The following STK35 variants were observed in gnomAD, a reference collection of about 807,000 sequenced individuals.
The protein encoded by STK35 is serine/threonine kinase 35, also known as serine/threonine-protein kinase 35.
Under a neutral mutation model 37.3 loss-of-function variants are expected in STK35, and 17 were observed. That is an observed-to-expected ratio of 0.46 (90% CI 0.31 to 0.68). The LOEUF (loss-of-function observed/expected upper bound fraction) is 0.68. Ranked by LOEUF, STK35 falls within the 30% of genes least tolerant of loss-of-function variation. STK35 has a pLI of 0.05. For missense variants in STK35, 595 were observed against 746.7 expected, an observed-to-expected ratio of 0.80 and a Z score of 2.37; for synonymous variants, 385 against 319.1, an observed-to-expected ratio of 1.21 and a Z score of -2.20.
At chr20:2,131,125 T>A (rs1259545810) in intron 3 of STK35, among the ~76,000 whole-genome samples, 2 of 152,224 alleles carry the variant, frequency 1.3e-5, no homozygotes, top group Non-Finnish European at 2.9e-5. Flanking sequence ...TCATGGAGTG[T>A]TCTTACACAG....
intron 3 of STK35, among the ~76,000 whole-genome samples, chr20:2,142,391 T>A (rs990229054): frequency 1.3e-5 from 2 of 151,912 alleles, no homozygotes; most frequent in Admixed American, 6.6e-5. Context: ...AACGAGCTGG[T>A]GTTGTCAGCC....
chr20:2,135,565 G>A (rs1227586677), intron 3 of STK35, among the ~76,000 whole-genome samples: 1 of 152,164 alleles, frequency 6.6e-6, no homozygotes, highest in Non-Finnish European at 1.5e-5. Context: ...GAGGCTTTGT[G>A]CATTTTAAGA....
At chr20:2,112,837 T>C (rs1313406933) in intron 2 of STK35, among the ~76,000 whole-genome samples, 1 of 152,236 alleles carries the variant, frequency 6.6e-6, no homozygotes, top group Non-Finnish European at 1.5e-5. Flanking sequence ...TATACAACTG[T>C]CAGATTATAC....
chr20:2,111,971 G>C (rs1248305679), intron 2 of STK35, among the ~76,000 whole-genome samples: 2 of 152,106 alleles, frequency 1.3e-5, no homozygotes, highest in Admixed American at 1.3e-4. Context: ...TGGCAGATCC[G>C]GGCCCGCTTC....
At chr20:2,111,255 T>G (rs1159472908) in intron 2 of STK35, among the ~76,000 whole-genome samples, 2 of 152,226 alleles carry the variant, frequency 1.3e-5, no homozygotes, top group Non-Finnish European at 1.5e-5. Flanking sequence ...GTCCAAGATA[T>G]GCTCTTTCAC....
chr20:2,123,423 G>A (rs117255288), intron 3 of STK35, among the ~76,000 whole-genome samples: 400 of 152,192 alleles, frequency 2.6e-3, no homozygotes, highest in Non-Finnish European at 4.6e-3. Flanking sequence ...CTTGACCTGC[G>A]CTTCAGATTT....
At chr20:2,102,261 C>A in intron 1 of STK35, 86 bp downstream of exon 1, 1 of 1,374,066 alleles carries the variant, frequency 7.3e-7, no homozygotes, top group South Asian at 1.6e-5. Flanking sequence ...GAAATCGGGT[C>A]CTCGGCCAGT....
In STK35 at chr20:2,143,839, G is replaced by T. The variant is rs528659886; in HGVS notation, c.*93G>T. The T allele has an allele frequency of 1.6e-5, 7 of 427,930 alleles. No individual in the cohort carries two copies. The highest frequency in any genetic ancestry group is 3.2e-5 in the Non-Finnish European group (7 of 219,450). 26.5% of individuals were successfully genotyped at this position (427,930 alleles called of 1,614,324 possible). On this transcript the variant is annotated 3_prime_UTR_variant, in exon 4 of 4. Coordinates refer to ENST00000381482, the MANE Select transcript of STK35 (RefSeq NM_080836.4). ...CGTCTCCTCCAGAGGACGGCAGAGG[G>T]TACAGGTGGTGGCCTGGCCGGTTGG... is the stretch of plus-strand genomic sequence containing the variant.
chr20:2,117,133 A>G lies in STK35; in HGVS notation c.1360A>G (p.Ile454Val). The change falls in exon 3 of 4, where the codon ATT (isoleucine) becomes GTT (valine). Residue 454 changes from isoleucine (I) to valine (V), a missense_variant. By Grantham distance (29) the Ile-to-Val change is conservative. This residue lies in a region of STK35 where 109 missense variants were observed against 280.3 expected (regional missense o/e 0.39). Coordinates refer to ENST00000381482, the MANE Select transcript of STK35 (RefSeq NM_080836.4). The surrounding 1 kb of genome is among the most constrained non-coding windows in gnomAD (Gnocchi z 4.4). ...GGCAATGATAGAAAGAATCACTTTT[A>G]TTGACTCTGAGACCAAGAAGGAGCT... ...IWAMIERITFIDSETKKELLG... is the reference protein window; with the variant it reads ...IWAMIERITFVDSETKKELLG... 4 of 1,613,860 alleles carry G rather than the reference A, an allele frequency of 2.5e-6. No homozygotes were observed. The highest frequency in any genetic ancestry group is 3.4e-6 in the Non-Finnish European group (4 of 1,179,862).
At chr20:2,136,791 T>C (rs1436611816) in intron 3 of STK35, among the ~76,000 whole-genome samples, 2 of 152,072 alleles carry the variant, frequency 1.3e-5, no homozygotes, top group Admixed American at 6.6e-5. Flanking sequence ...AAGCTCAGGG[T>C]CTAAGATGGT....
At chr20:2,133,484 A>T (rs1568580997) in intron 3 of STK35, among the ~76,000 whole-genome samples, 1 of 152,224 alleles carries the variant, frequency 6.6e-6, no homozygotes, top group Non-Finnish European at 1.5e-5. Flanking sequence ...CTAGAGACAA[A>T]TAGTTCCCCT....
At chr20:2,134,856 A>G (rs1435194924) in intron 3 of STK35, among the ~76,000 whole-genome samples, 4 of 151,776 alleles carry the variant, frequency 2.6e-5, no homozygotes, top group Admixed American at 6.6e-5. Flanking sequence ...GTGTCATTGC[A>G]CTCCAGCCTG....
intron 3 of STK35, among the ~76,000 whole-genome samples, chr20:2,118,595 A>T (rs1001075673): frequency 6.7e-6 from 1 of 149,338 alleles, no homozygotes; most frequent in South Asian, 2.2e-4. Context: ...AAAAAAAAAA[A>T]TTTATTGTGA....
chr20:2,133,681 C>A (rs1986036669), intron 3 of STK35, among the ~76,000 whole-genome samples: 1 of 152,320 alleles, frequency 6.6e-6, no homozygotes, highest in East Asian at 1.9e-4. Context: ...CCACGGAGAC[C>A]TCCAAATCTC....
intron 2 of STK35, among the ~76,000 whole-genome samples, chr20:2,106,689 A>G (rs1348487945): frequency 6.6e-6 from 1 of 152,218 alleles, no homozygotes; most frequent in Non-Finnish European, 1.5e-5. Flanking sequence ...TTTGGCCAGT[A>G]AAATAATCCA....
At position 2,115,695 on chromosome 20, in the gene STK35, T is replaced by G. The variant is rs1352208125; in HGVS notation, c.893-971T>G. 2.6e-5 allele frequency among the ~76,000 whole-genome samples: 4 copies of G among 152,232 alleles called. No homozygotes were observed. The East Asian group carries it at 7.7e-4, about 29-fold the overall frequency. ...CAAGCCCACACAATTTAAATCTGTC[T>G]TGTACATCGACTTTAGACTCCACTG... is the stretch of plus-strand genomic sequence containing the variant. On this transcript the variant is annotated intron_variant, in intron 2 of 3. Coordinates refer to ENST00000381482, the MANE Select transcript of STK35 (RefSeq NM_080836.4).
intron 3 of STK35, among the ~76,000 whole-genome samples, chr20:2,137,888 A>G (rs1002138697): frequency 5.3e-5 from 8 of 152,202 alleles, no homozygotes; most frequent in Admixed American, 5.2e-4. Flanking sequence ...CCCCACTTAG[A>G]GGAAGGAGAG....
chr20:2,127,578 A>G lies in STK35; in HGVS notation c.*37+10163A>G, dbSNP rs139854016. Among the ~76,000 whole-genome samples, 35 of 152,324 alleles carry G rather than the reference A, an allele frequency of 2.3e-4. No individual in the cohort carries two copies. In the East Asian group the frequency reaches 5.8e-3, roughly 25 times the overall value. ...AACAGGCTAACTTTAACTTTTAAAAATATTTTGGAGTTTAGGCCAAGTGCC... is the reference window on the plus strand; with the variant it reads ...AACAGGCTAACTTTAACTTTTAAAAGTATTTTGGAGTTTAGGCCAAGTGCC... On this transcript the variant is annotated intron_variant, in intron 3 of 3. Transcript: ENST00000381482.
chr20:2,110,277 C>T (rs1043409612), intron 2 of STK35, among the ~76,000 whole-genome samples: 2 of 152,200 alleles, frequency 1.3e-5, no homozygotes, highest in African/African-American at 4.8e-5. Context: ...TCGGGGTTCC[C>T]TCATCCTTTT....
Sources: allele counts gnomAD v4.1 joint callset (sites outside exome capture counted in the v4.1 genomes callset), GRCh38; gene constraint gnomAD v4.1.1; regional missense constraint gnomAD v4.1.1; non-coding constraint Gnocchi (gnomAD v3.1); transcripts MANE v1.5; gene names NCBI Gene and HGNC (gene_info 2026-07-23, HGNC 2026-07-21).